RBMS3: variants seen among roughly 807,000 people sequenced by gnomAD.
RBMS3 encodes the protein RNA-binding motif, single-stranded-interacting protein 3.
A neutral mutation model predicts 66.8 loss-of-function variants in RBMS3; 27 were observed. That is an observed-to-expected ratio of 0.40 (90% CI 0.30 to 0.56). The LOEUF (loss-of-function observed/expected upper bound fraction) is 0.56. RBMS3 is among the 20% of genes least tolerant of loss of function. The pLI, the probability that RBMS3 is intolerant of heterozygous loss-of-function variation, is 0.40. For synonymous variants in RBMS3, 188 were observed against 183.0 expected, an observed-to-expected ratio of 1.03 and a Z score of -0.22; for missense variants, 513 against 549.5, an observed-to-expected ratio of 0.93 and a Z score of 0.66.
At chr3:29,670,019 C>T (rs1475364104) in intron 4 of RBMS3, among the ~76,000 whole-genome samples, 2 of 152,114 alleles carry the variant, frequency 1.3e-5, no homozygotes, top group African/African-American at 4.8e-5. Context: ...TGTTTATTAG[C>T]TTCTGATCTC....
intron 4 of RBMS3, among the ~76,000 whole-genome samples, chr3:29,604,881 C>A (rs1327726030): frequency 6.6e-6 from 1 of 151,808 alleles, no homozygotes; most frequent in African/African-American, 2.4e-5. Flanking sequence ...ACCAGCATAT[C>A]TTTTTAATGG....
chr3:29,690,241 G>A (rs2149272066), intron 4 of RBMS3, among the ~76,000 whole-genome samples: 1 of 152,230 alleles, frequency 6.6e-6, no homozygotes, highest in African/African-American at 2.4e-5. Flanking sequence ...CTTGAGCCCA[G>A]GAGTTTAAGA....
In RBMS3 at chr3:29,772,223, T is replaced by C. The variant is rs186283973; in HGVS notation, c.637+9234T>C. On this transcript the variant is annotated intron_variant, in intron 6 of 14. Transcript: ENST00000383767. ...ACTTAGCCTTGCTGACACCTTGATT[T>C]TAGCCCAGTGAGATCTGTGTTAGAC... is the stretch of plus-strand genomic sequence containing the variant. Among the ~76,000 whole-genome samples, 7 of 152,136 alleles carry C rather than the reference T, an allele frequency of 4.6e-5. No individual in the cohort carries two copies. In the East Asian group the frequency reaches 1.4e-3, roughly 30 times the overall value.
intron 4 of RBMS3, among the ~76,000 whole-genome samples, chr3:29,648,261 C>CTCTTTTTTTTTTTTTTTT (rs1576434694): frequency 1.1e-5 from 1 of 88,144 alleles, no homozygotes; most frequent in African/African-American, 4.9e-5. Context: ...TAGAAAATGT[C>CTCTTTTTTTTTTTTTTTT]TATTTTTTTT....
intron 2 of RBMS3, among the ~76,000 whole-genome samples, chr3:29,462,646 T>G (rs1575887835): frequency 6.6e-6 from 1 of 152,336 alleles, no homozygotes; most frequent in South Asian, 2.1e-4. Flanking sequence ...TTTACCCCTG[T>G]TTCTCTTTTT....
intron 1 of RBMS3, among the ~76,000 whole-genome samples, chr3:29,389,344 A>G (rs1455915132): frequency 2.0e-5 from 3 of 152,172 alleles, no homozygotes; most frequent in Non-Finnish European, 2.9e-5. Flanking sequence ...AAAAATGGGG[A>G]AAAAGGTCAC....
chr3:29,969,638 G>A (rs1697095730), intron 12 of RBMS3, among the ~76,000 whole-genome samples: 1 of 152,138 alleles, frequency 6.6e-6, no homozygotes, highest in Non-Finnish European at 1.5e-5. Flanking sequence ...AGTAGCTTAA[G>A]TAAACATCAA....
chr3:29,966,868 G>T (rs1364006553), intron 12 of RBMS3, among the ~76,000 whole-genome samples: 1 of 152,122 alleles, frequency 6.6e-6, no homozygotes, highest in Non-Finnish European at 1.5e-5. Context: ...TATGTCCCTT[G>T]TATGCCAATT....
chr3:29,623,367 C>T (rs972635107), intron 4 of RBMS3, among the ~76,000 whole-genome samples: 1 of 151,768 alleles, frequency 6.6e-6, no homozygotes, highest in African/African-American at 2.4e-5. Flanking sequence ...CCGAGGCAGG[C>T]GGTTCACAAG....
chr3:29,569,978 T>TTGCATGTGC (rs1423517555), intron 3 of RBMS3, among the ~76,000 whole-genome samples: 1 of 151,718 alleles, frequency 6.6e-6, no homozygotes, highest in African/African-American at 2.4e-5. Context: ...AGAAAAGCAG[T>TTGCATGTGC]TGCTTAGGGA....
intron 12 of RBMS3, among the ~76,000 whole-genome samples, chr3:29,973,938 T>G (rs1310504885): frequency 1.3e-5 from 2 of 151,890 alleles, no homozygotes; most frequent in Non-Finnish European, 2.9e-5. Context: ...TAACTTAGAT[T>G]CCATAGTAAA....
chr3:29,924,470 A>T (rs955605819), intron 10 of RBMS3, among the ~76,000 whole-genome samples: 1 of 152,130 alleles, frequency 6.6e-6, no homozygotes, highest in Non-Finnish European at 1.5e-5. Flanking sequence ...GTATTAAAAA[A>T]TAAATTTCTA....
chr3:29,311,599 T>C (rs1027194108), intron 1 of RBMS3, among the ~76,000 whole-genome samples: 2 of 151,768 alleles, frequency 1.3e-5, no homozygotes, highest in African/African-American at 4.8e-5. Flanking sequence ...AAGTTTGAGG[T>C]TTACTATTTA....
chr3:29,874,741 T>A (rs2059571795), intron 7 of RBMS3, among the ~76,000 whole-genome samples: 2 of 135,076 alleles, frequency 1.5e-5, no homozygotes, highest in African/African-American at 3.1e-5. Flanking sequence ...AAAATAAACC[T>A]TTTTTTTGGC....
chr3:29,286,679 A>G (rs1394143385), intron 1 of RBMS3, among the ~76,000 whole-genome samples: 1 of 152,052 alleles, frequency 6.6e-6, no homozygotes, highest in Non-Finnish European at 1.5e-5. Flanking sequence ...ATGCAAGTTC[A>G]TTCTAGGTCT....
chr3:29,803,650 T>A (rs1244288542), intron 6 of RBMS3, among the ~76,000 whole-genome samples: 1 of 152,072 alleles, frequency 6.6e-6, no homozygotes, highest in Non-Finnish European at 1.5e-5. Context: ...ATTATATGTA[T>A]ACTGTTATAT....
At chr3:29,599,663 A>G (rs12496862) in intron 4 of RBMS3, among the ~76,000 whole-genome samples, 3,737 of 152,200 alleles carry the variant, frequency 0.025, 177 homozygotes, top group African/African-American at 0.085. Flanking sequence ...TTTAAAAATA[A>G]AAATGTACAA....
intron 3 of RBMS3, among the ~76,000 whole-genome samples, chr3:29,584,042 T>C (rs1464970681): frequency 6.6e-6 from 1 of 152,162 alleles, no homozygotes; most frequent in Non-Finnish European, 1.5e-5. Flanking sequence ...AAGAGGCCTG[T>C]AAATCCTCCT....
intron 12 of RBMS3, among the ~76,000 whole-genome samples, chr3:29,970,853 G>A (rs557118151): frequency 1.6e-4 from 24 of 152,010 alleles, no homozygotes; most frequent in Non-Finnish European, 2.9e-4. Context: ...CATATTGTTC[G>A]TTCCAATAAC....
Sources: gnomAD v4.1 joint callset for allele counts (sites outside exome capture counted in the v4.1 genomes callset) on GRCh38, gnomAD v4.1.1 for gene constraint, MANE v1.5 for transcripts, NCBI Gene and HGNC (gene_info 2026-07-23, HGNC 2026-07-21) for gene names.